The following CCT8 variants were observed in gnomAD, a reference collection of about 807,000 sequenced individuals.
The protein encoded by CCT8 is T-complex protein 1 subunit theta.
CCT8 carries 10 observed loss-of-function variants against 65.7 expected under a neutral mutation model. That is an observed-to-expected ratio of 0.15 (90% confidence interval 0.09 to 0.26). The LOEUF (loss-of-function observed/expected upper bound fraction) is 0.26, where lower values mean the gene tolerates loss of function less well. Among genes scored for constraint, CCT8 ranks in the 10% least tolerant of loss-of-function variants. The pLI, the probability that CCT8 is intolerant of heterozygous loss-of-function variation, is 1.00. For missense variants in CCT8, 568 were observed against 669.1 expected (o/e 0.85, Z 1.67); for synonymous variants, 199 against 221.8 (o/e 0.90, Z 0.92).
chr21:29,061,741 A>T (rs1159154519), intron 11 of CCT8, among the ~76,000 whole-genome samples, 174 bp from the exon 12 acceptor site: 1 of 152,216 alleles, frequency 6.6e-6, no homozygotes, highest in South Asian at 2.1e-4. Context: ...GGGTGGGGCA[A>T]ATTTTCTTAG....
At chr21:29,056,620 T>C in intron 14 of CCT8, 68 bp from the exon 15 acceptor site, 1 of 951,572 alleles carries the variant, frequency 1.1e-6, no homozygotes, top group Non-Finnish European at 1.5e-6. Context: ...AGAATGCTTC[T>C]ATTAGCATGA....
chr21:29,063,161 G>C (rs1430969095), intron 8 of CCT8, among the ~76,000 whole-genome samples, 191 bp downstream of exon 8: 1 of 152,092 alleles, frequency 6.6e-6, no homozygotes, highest in Non-Finnish European at 1.5e-5. Context: ...GGTTCTTCAA[G>C]CTCTCAGCTT....
In CCT8 at chr21:29,068,454, A is replaced by C. The variant is rs76984250; in HGVS notation, c.232-749T>G. ...AAGTTCTTTAAGAATTTATATATAT[A>C]ATATGTATTTTTTTTTCTTTTTTGA... On this transcript the variant is annotated intron_variant, in intron 3 of 14. Transcript: ENST00000286788. Among the ~76,000 whole-genome samples, 454 of 151,992 alleles carry C rather than the reference A, an allele frequency of 3.0e-3. 1 individual carries two copies. Among genetic ancestry groups the C allele is most frequent in the African/African-American group, 0.011 (437 of 41,522 alleles).
chr21:29,068,502 C>T (rs949076310), intron 3 of CCT8, among the ~76,000 whole-genome samples: 3 of 151,944 alleles, frequency 2.0e-5, no homozygotes, highest in African/African-American at 4.8e-5. Context: ...CTCTGTCGCC[C>T]AGGCTGGAGT....
At chr21:29,056,721 A>G (rs1237843608) in intron 14 of CCT8, among the ~76,000 whole-genome samples, 169 bp from the exon 15 acceptor site, 2 of 152,258 alleles carry the variant, frequency 1.3e-5, no homozygotes, top group Non-Finnish European at 2.9e-5. Context: ...TAGAAATTCA[A>G]TTGTAAACTT....
At chr21:29,073,199 T>C (rs2085702644) in intron 1 of CCT8, 2 of 1,038,744 alleles carry the variant, frequency 1.9e-6, no homozygotes, top group African/African-American at 1.6e-5. Flanking sequence ...AATTTCACCC[T>C]CACAACCTCC....
At chr21:29,072,200 T>C (rs550679189) in intron 1 of CCT8, 20 of 467,792 alleles carry the variant, frequency 4.3e-5, no homozygotes, top group African/African-American at 3.5e-4. Flanking sequence ...ATCCTTCTTT[T>C]ACAGACATTT....
chr21:29,068,622 G>A (rs953148943), intron 3 of CCT8, among the ~76,000 whole-genome samples: 2 of 152,016 alleles, frequency 1.3e-5, no homozygotes, highest in Non-Finnish European at 2.9e-5. Flanking sequence ...ACCACGCCCG[G>A]CTGATTTTGT....
intron 6 of CCT8, among the ~76,000 whole-genome samples, chr21:29,066,373 T>A (rs886821930): frequency 1.3e-5 from 2 of 152,114 alleles, no homozygotes; most frequent in Admixed American, 6.5e-5. Context: ...AAACCCCATC[T>A]CTACTAAAAA....
At chr21:29,073,369 G>T in intron 1 of CCT8, 162 bp downstream of exon 1, 3 of 1,443,260 alleles carry the variant, frequency 2.1e-6, no homozygotes, top group Non-Finnish European at 2.7e-6. Flanking sequence ...GGCTCCGGTG[G>T]CCGAGCCCTT....
Position 29,073,626 on chromosome 21 carries a change from G to T in CCT8, c.-36C>A. The T allele has an allele frequency of 6.2e-7, 1 of 1,601,054 alleles. No homozygotes were observed. The highest frequency in any genetic ancestry group is 8.6e-7 in the Non-Finnish European group (1 of 1,168,880). On this transcript the variant is annotated 5_prime_UTR_variant, in exon 1 of 15. Transcript: ENST00000286788. ...CAGGAAGCAGTTCACGCGACCGCTC[G>T]GAAGACCGCGGAGGAAGCGAGGAGC... is the stretch of plus-strand genomic sequence containing the variant.
intron 14 of CCT8, chr21:29,059,628 T>C (rs1483593718): frequency 1.3e-5 from 2 of 152,246 alleles, no homozygotes; most frequent in Non-Finnish European, 2.9e-5. Flanking sequence ...AACTCAAACA[T>C]ATTCTTCCAT....
Position 29,073,647 on chromosome 21 carries a change from G to A in CCT8, c.-57C>T, listed in dbSNP as rs1361777070. On this transcript the variant is annotated 5_prime_UTR_variant, in exon 1 of 15. Transcript: ENST00000286788. ...GCTCGGAAGACCGCGGAGGAAGCGA[G>A]GAGCACGCACAGCCTTCTGGGAAAG... The A allele has an allele frequency of 4.6e-6, 7 of 1,530,284 alleles. No individual in the cohort carries two copies. The highest frequency in any genetic ancestry group is 1.8e-4 in the Middle Eastern group (1 of 5,576). 94.8% of individuals were successfully genotyped at this position (1,530,284 alleles called of 1,614,324 possible). A position where few individuals can be genotyped will look rare whatever the true frequency, so the allele number is the denominator to read the frequency against.
At chr21:29,064,939 ATTAC>A (rs1261615804) in intron 7 of CCT8, 25 bp downstream of exon 7, 1 of 1,604,364 alleles carries the variant, frequency 6.2e-7, no homozygotes, top group Non-Finnish European at 8.5e-7. Flanking sequence ...AACCCCAATT[ATTAC>A]TTTTAAGGTT....
Position 29,062,181 on chromosome 21 carries a change from C to T in CCT8, c.1159G>A (p.Asp387Asn). Residue 387 changes from aspartate (D) to asparagine (N), a missense_variant, in exon 11 of 15, where the codon GAC becomes AAC. Coordinates refer to ENST00000286788, the MANE Select transcript of CCT8 (RefSeq NM_006585.4). Reference protein sequence around the residue: ...LRGSTDNLMDDIERAVDDGVN... With the variant: ...LRGSTDNLMDNIERAVDDGVN... Reference sequence around the variant, plus strand: ...CCATCGTCTACTGCCCTTTCTATGTCATCCATCAGATTGTCTGTAGAGCCT... The same window carrying T: ...CCATCGTCTACTGCCCTTTCTATGTTATCCATCAGATTGTCTGTAGAGCCT... 1 of 1,613,646 alleles carries T rather than the reference C, an allele frequency of 6.2e-7. No homozygotes were observed. Among genetic ancestry groups the T allele is most frequent in the South Asian group, 1.1e-5 (1 of 91,052 alleles).
intron 14 of CCT8, 50 bp from the exon 15 acceptor site, chr21:29,056,602 G>T: frequency 9.1e-7 from 1 of 1,095,836 alleles, no homozygotes; most frequent in Non-Finnish European, 1.3e-6. Flanking sequence ...TTAACCTTTA[G>T]AATGAAAAGA....
At chr21:29,070,993 G>A (rs1437799937) in intron 1 of CCT8, among the ~76,000 whole-genome samples, 1 of 152,106 alleles carries the variant, frequency 6.6e-6, no homozygotes, top group Non-Finnish European at 1.5e-5. Context: ...ATTGAAAAGC[G>A]AACTGCTCAC....
intron 1 of CCT8, among the ~76,000 whole-genome samples, chr21:29,072,468 C>A (rs2085692539): frequency 6.6e-6 from 1 of 151,986 alleles, no homozygotes. Context: ...TGAAAAAAAC[C>A]CAAATTGGAA....
In CCT8 at chr21:29,067,081, AAAC is replaced by A. The variant is rs746453310; in HGVS notation, c.382-13_382-11del. ...CATAACCTTCTATGACCTAAAACATAAACAACATTTCCTATTCTGACATGACTT... is the reference window on the plus strand; with the variant it reads ...CATAACCTTCTATGACCTAAAACATAAACATTTCCTATTCTGACATGACTT... On this transcript the variant is annotated splice_polypyrimidine_tract_variant and intron_variant, in intron 4 of 14. Coordinates refer to ENST00000286788, the MANE Select transcript of CCT8 (RefSeq NM_006585.4). 8.8e-6 allele frequency: 14 copies of A among 1,590,466 alleles called. No individual in the cohort carries two copies. The highest frequency in any genetic ancestry group is 1.7e-4 in the Middle Eastern group (1 of 5,974).
Sources: gnomAD v4.1 joint callset for allele counts (sites outside exome capture counted in the v4.1 genomes callset) on GRCh38, gnomAD v4.1.1 for gene constraint, MANE v1.5 for transcripts, NCBI Gene and HGNC (gene_info 2026-07-23, HGNC 2026-07-21) for gene names.